RGS12: variants seen among roughly 807,000 people sequenced by gnomAD.
RGS12 encodes the protein regulator of G-protein signaling 12.
RGS12 carries 66 observed loss-of-function variants against 120.1 expected under a neutral mutation model. The observed-to-expected ratio is 0.55, with a 90% CI of 0.45 to 0.67. The LOEUF (loss-of-function observed/expected upper bound fraction) is 0.67. Ranked by LOEUF, RGS12 falls within the 30% of genes least tolerant of loss-of-function variation. The pLI is 0.00. For missense variants in RGS12, 1,859 were observed against 1,957.7 expected (o/e 0.95, Z 0.95); for synonymous variants, 827 against 804.7 (o/e 1.03, Z -0.47).
rs377043527 is a variant in RGS12, at chr4:3,316,215, G to A, written c.45G>A (p.Pro15=). The A allele has an allele frequency of 5.6e-5, 89 of 1,597,372 alleles. No homozygotes were observed. Among genetic ancestry groups the A allele is most frequent in the East Asian group, 6.7e-5 (3 of 44,590 alleles). The change falls in exon 2 of 18, where the codon CCG becomes CCA. Residue 15 remains proline, a synonymous_variant. Transcript: ENST00000336727. The part of the protein sequence containing the change: ...GEASKRPLPG[P]SPPRVRSVEV... ...CCTCCAAACGCCCATTGCCTGGGCC[G>A]TCGCCCCCAAGGGTGCGGAGTGTGG...
At chr4:3,338,829 T>C (rs538704340) in intron 2 of RGS12, among the ~76,000 whole-genome samples, 1 of 152,338 alleles carries the variant, frequency 6.6e-6, no homozygotes, top group East Asian at 1.9e-4. Context: ...ATTGTTGTTT[T>C]CCCTGTTTAG....
At chr4:3,410,025 C>T (rs961207565) in intron 4 of RGS12, among the ~76,000 whole-genome samples, 2 of 152,254 alleles carry the variant, frequency 1.3e-5, no homozygotes, top group Non-Finnish European at 2.9e-5. Flanking sequence ...TTCTCCCTTG[C>T]TCCCTGGAGG....
At chr4:3,310,602 A>AGGT (rs1328670824) in intron 1 of RGS12, among the ~76,000 whole-genome samples, 1 of 151,920 alleles carries the variant, frequency 6.6e-6, no homozygotes, top group Non-Finnish European at 1.5e-5. Context: ...GAATGATGGG[A>AGGT]GGTGGCTGGA....
chr4:3,335,636 C>A (rs1176999925), intron 2 of RGS12, among the ~76,000 whole-genome samples: 1 of 152,218 alleles, frequency 6.6e-6, no homozygotes, highest in African/African-American at 2.4e-5. Context: ...ATTGCGCCAA[C>A]CTTCTGGCCC....
At chr4:3,382,689 G>C (rs1029851990) in intron 3 of RGS12, among the ~76,000 whole-genome samples, 10 of 151,908 alleles carry the variant, frequency 6.6e-5, no homozygotes, top group African/African-American at 2.4e-4. Flanking sequence ...CCTCTGTACT[G>C]TGGTCAGTGT....
intron 1 of RGS12, among the ~76,000 whole-genome samples, chr4:3,294,378 C>T (rs918756035): frequency 7.2e-5 from 11 of 152,192 alleles, no homozygotes; most frequent in African/African-American, 1.2e-4. Context: ...TGCTGGCCTT[C>T]CCCTAGAGAA....
chr4:3,431,349 A>G (rs542006707), intron 17 of RGS12: 1 of 1,058,340 alleles, frequency 9.4e-7, no homozygotes, highest in Admixed American at 4.9e-5. Context: ...ACTGGAAAAC[A>G]ATAGCATTTG....
chr4:3,367,874 C>G (rs1174605773), intron 3 of RGS12, among the ~76,000 whole-genome samples: 1 of 152,232 alleles, frequency 6.6e-6, no homozygotes, highest in East Asian at 1.9e-4. Flanking sequence ...AGTGACCGGA[C>G]AGCAACAGGC....
rs755597373 is a variant in RGS12 at position 3,430,439 on chromosome 4, A to G, written c.3598A>G (p.Asn1200Asp). The change falls in exon 17 of 18, where the codon AAC becomes GAC. Residue 1200 changes from asparagine to aspartate, a missense_variant. By Grantham distance (23) the Asn-to-Asp change is conservative. Coordinates refer to ENST00000336727, the MANE Select transcript of RGS12 (RefSeq NM_001394154.1). ...TGAGCTTATTTCCAAAGCTCAGAGC[A>G]ACAGAGCAGATGACCAACGTGGGCT... ...FFELISKAQS[N>D]RADDQRGLLR... 1.2e-6 allele frequency: 2 copies of G among 1,613,796 alleles called. No individual in the cohort carries two copies. The highest frequency in any genetic ancestry group is 2.2e-5 in the South Asian group (2 of 91,080).
chr4:3,428,439 G>A, intron 15 of RGS12, 119 bp from the exon 16 acceptor site: 1 of 925,610 alleles, frequency 1.1e-6, no homozygotes, highest in Non-Finnish European at 1.7e-6. Flanking sequence ...TTTCTGCAAT[G>A]CATGTAAATT....
chr4:3,425,672 GGCA>G, intron 14 of RGS12, 112 bp downstream of exon 14: 1 of 426,094 alleles, frequency 2.3e-6, no homozygotes. Flanking sequence ...GCAGGGGAGG[GGCA>G]GGTGGGGCTT....
intron 3 of RGS12, among the ~76,000 whole-genome samples, chr4:3,382,530 GC>G (rs1364105205): frequency 6.6e-6 from 1 of 152,208 alleles, no homozygotes; most frequent in Non-Finnish European, 1.5e-5. Context: ...GAAAAGTCTT[GC>G]TGGCTTGCAT....
chr4:3,375,255 T>C (rs1167945657), intron 3 of RGS12, among the ~76,000 whole-genome samples: 1 of 150,608 alleles, frequency 6.6e-6, no homozygotes, highest in African/African-American at 2.5e-5. Context: ...CCAGCCCTCA[T>C]CTCCAGCCCT....
intron 3 of RGS12, among the ~76,000 whole-genome samples, chr4:3,383,720 G>C (rs1380647810): frequency 6.6e-6 from 1 of 152,040 alleles, no homozygotes. Context: ...ACCTGCATCC[G>C]TGCACTGTCT....
chr4:3,414,294 T>C, intron 5 of RGS12, 53 bp downstream of exon 5: 2 of 1,474,182 alleles, frequency 1.4e-6, no homozygotes, highest in Non-Finnish European at 1.8e-6. Context: ...CTGCAGAGAC[T>C]ACCGAGCAGG....
rs909136098 is a variant in RGS12, at chr4:3,342,450, G to C, written c.1882-487G>C. ...TGCGCCGGAGTTGGTTGGGTCTTCA[G>C]ACACCAGCTGAATGCTTAGGGATTC... On this transcript the variant is annotated intron_variant, in intron 2 of 17. Coordinates refer to ENST00000336727, the MANE Select transcript of RGS12 (RefSeq NM_001394154.1). 2.3e-6 allele frequency: 3 copies of C among 1,284,828 alleles called. No individual in the cohort carries two copies. The African/African-American group carries it at 4.6e-5, about 20-fold the overall frequency. The allele number at this position is 1,284,828 out of a possible 1,614,324, so 79.6% of individuals were successfully genotyped here.
At chr4:3,344,560 T>C (rs552472785) in intron 3 of RGS12, among the ~76,000 whole-genome samples, 23 of 152,344 alleles carry the variant, frequency 1.5e-4, no homozygotes, top group Non-Finnish European at 2.4e-4. Context: ...GTGAATGATA[T>C]GTGGGTCTGG....
chr4:3,375,740 CCCTCATCTCCAG>C (rs1168137731), intron 3 of RGS12, among the ~76,000 whole-genome samples: 1,287 of 85,386 alleles, frequency 0.015, 93 homozygotes, highest in African/African-American at 0.036. Context: ...TCATCTCCAG[CCCTCATCTCCAG>C]CCTCATCTCC....
chr4:3,399,367 G>A (rs1465985323), intron 4 of RGS12, among the ~76,000 whole-genome samples: 2 of 152,306 alleles, frequency 1.3e-5, no homozygotes, highest in East Asian at 3.9e-4. Context: ...AGTGGCTTAT[G>A]CCTGTAATCT....
Sources: allele counts gnomAD v4.1 joint callset (sites outside exome capture counted in the v4.1 genomes callset), GRCh38; gene constraint gnomAD v4.1.1; transcripts MANE v1.5; gene names NCBI Gene and HGNC (gene_info 2026-07-23, HGNC 2026-07-21).